ZNF385D: variants seen among roughly 807,000 people sequenced by gnomAD.
The protein encoded by ZNF385D is zinc finger protein 385D, also known as zinc finger protein 659.
Under a neutral mutation model 35.8 loss-of-function variants are expected in ZNF385D, and 15 were observed. That is an observed-to-expected ratio of 0.42 (90% CI 0.28 to 0.64). The LOEUF is 0.64. ZNF385D is among the 30% of genes least tolerant of loss of function. ZNF385D has a pLI of 0.23. For synonymous variants in ZNF385D, 212 were observed against 186.8 expected (o/e 1.13, Z -1.10); for missense variants, 474 against 494.6 (o/e 0.96, Z 0.39).
chr3:21,770,153 A>G (rs1463020705), intron 3 of ZNF385D, among the ~76,000 whole-genome samples: 1 of 152,144 alleles, frequency 6.6e-6, no homozygotes, highest in Admixed American at 6.6e-5. Flanking sequence ...AACCTAGGCA[A>G]TATCATTCAG....
chr3:21,900,640 A>G (rs1292888661), intron 3 of ZNF385D, among the ~76,000 whole-genome samples: 1 of 152,216 alleles, frequency 6.6e-6, no homozygotes, highest in Non-Finnish European at 1.5e-5. Context: ...AGACTATAGT[A>G]TGGACTTAAA....
At chr3:21,621,326 T>C (rs2064999762) in intron 2 of ZNF385D, among the ~76,000 whole-genome samples, 1 of 152,150 alleles carries the variant, frequency 6.6e-6, no homozygotes, top group South Asian at 2.1e-4. Flanking sequence ...GGGCTGTCGC[T>C]GGCAATCTTT....
At chr3:21,826,006 G>A (rs1559663233) in intron 3 of ZNF385D, among the ~76,000 whole-genome samples, 3 of 152,164 alleles carry the variant, frequency 2.0e-5, no homozygotes, top group Admixed American at 2.0e-4. Flanking sequence ...GATGATTTGA[G>A]GTGGAACAGT....
intron 3 of ZNF385D, among the ~76,000 whole-genome samples, chr3:22,026,196 C>G (rs1338597037): frequency 6.6e-6 from 1 of 152,158 alleles, no homozygotes; most frequent in African/African-American, 2.4e-5. Flanking sequence ...GTCAAATGGA[C>G]AGAAGACTAA....
At chr3:21,634,999 T>C (rs2065387007) in intron 2 of ZNF385D, among the ~76,000 whole-genome samples, 2 of 152,128 alleles carry the variant, frequency 1.3e-5, no homozygotes, top group Non-Finnish European at 2.9e-5. Context: ...GCTTCAAGTT[T>C]AACTGTGCTA....
intron 3 of ZNF385D, among the ~76,000 whole-genome samples, chr3:22,109,733 C>T (rs187694605): frequency 6.6e-6 from 1 of 152,042 alleles, no homozygotes; most frequent in East Asian, 1.9e-4. Context: ...GACTTCATGC[C>T]TAAAACACCA....
chr3:22,217,203 G>A (rs534000367), intron 2 of ZNF385D, among the ~76,000 whole-genome samples: 1 of 152,088 alleles, frequency 6.6e-6, no homozygotes. Context: ...AATACAACTT[G>A]ATCAGCCTAT....
chr3:21,922,974 A>G (rs259518), intron 3 of ZNF385D, among the ~76,000 whole-genome samples: 28,423 of 152,166 alleles, frequency 0.19, 3,407 homozygotes, highest in East Asian at 0.38. Context: ...TGGGCAAAAG[A>G]CATGAACATA....
intron 3 of ZNF385D, among the ~76,000 whole-genome samples, chr3:22,075,680 T>C (rs1700429477): frequency 6.6e-6 from 1 of 151,970 alleles, no homozygotes; most frequent in Admixed American, 6.6e-5. Flanking sequence ...GTACTTTCTT[T>C]CCAAAGAAGT....
chr3:22,339,733 T>TAC (rs1695336976), intron 2 of ZNF385D, among the ~76,000 whole-genome samples: 1 of 152,202 alleles, frequency 6.6e-6, no homozygotes, highest in African/African-American at 2.4e-5. Context: ...TAGAAATCAG[T>TAC]ACACTGGTTT....
At chr3:22,011,177 T>C (rs1696548276) in intron 3 of ZNF385D, among the ~76,000 whole-genome samples, 1 of 152,174 alleles carries the variant, frequency 6.6e-6, no homozygotes, top group African/African-American at 2.4e-5. Context: ...TTCCACTGTT[T>C]ATTGTTTCTA....
At chr3:22,249,112 G>A (rs936938251) in intron 2 of ZNF385D, among the ~76,000 whole-genome samples, 3 of 152,080 alleles carry the variant, frequency 2.0e-5, no homozygotes, top group African/African-American at 7.2e-5. Flanking sequence ...CTCCACAGCT[G>A]AGAGTCCAGA....
At chr3:21,608,305 A>G (rs1402403864) in intron 2 of ZNF385D, among the ~76,000 whole-genome samples, 3 of 152,092 alleles carry the variant, frequency 2.0e-5, no homozygotes, top group East Asian at 1.9e-4. Flanking sequence ...CACTGCGCCC[A>G]GCCCTAAATT....
At chr3:21,938,070 T>C (rs952849319) in intron 3 of ZNF385D, among the ~76,000 whole-genome samples, 36 of 152,200 alleles carry the variant, frequency 2.4e-4, no homozygotes, top group African/African-American at 8.2e-4. Context: ...TCAAATGATA[T>C]TCAACCGAAC....
chr3:22,335,423 T>C (rs779631419), intron 2 of ZNF385D, among the ~76,000 whole-genome samples: 2 of 152,186 alleles, frequency 1.3e-5, no homozygotes, highest in Non-Finnish European at 2.9e-5. Flanking sequence ...TATTTTTTCC[T>C]TCCAGATAGT....
At chr3:22,312,593 G>T (rs1019138109) in intron 2 of ZNF385D, among the ~76,000 whole-genome samples, 4 of 152,004 alleles carry the variant, frequency 2.6e-5, no homozygotes, top group Admixed American at 6.6e-5. Flanking sequence ...GTGGGTGAAG[G>T]ATATGAACAG....
chr3:22,041,936 C>G (rs1300616869), intron 3 of ZNF385D, among the ~76,000 whole-genome samples: 1 of 152,030 alleles, frequency 6.6e-6, no homozygotes, highest in Non-Finnish European at 1.5e-5. Context: ...TAGATTTATA[C>G]AAAGCAATTA....
intron 3 of ZNF385D, among the ~76,000 whole-genome samples, chr3:22,025,716 C>T (rs1003535124): frequency 6.6e-6 from 1 of 152,050 alleles, no homozygotes; most frequent in African/African-American, 2.4e-5. Context: ...GGAAGGGATC[C>T]AAAGGCTTAG....
chr3:21,780,297 C>T (rs779251747), intron 3 of ZNF385D, among the ~76,000 whole-genome samples: 1 of 151,970 alleles, frequency 6.6e-6, no homozygotes, highest in Non-Finnish European at 1.5e-5. Flanking sequence ...TAATACAGTG[C>T]TCATGGCCAA....
Sources: allele counts gnomAD v4.1 joint callset (sites outside exome capture counted in the v4.1 genomes callset), GRCh38; gene constraint gnomAD v4.1.1; transcripts MANE v1.5; gene names NCBI Gene and HGNC (gene_info 2026-07-23, HGNC 2026-07-21).